Variants in MANBA observed in about 807,000 individuals in gnomAD.
The protein encoded by MANBA is beta-mannosidase.
In MANBA, 83 loss-of-function variants were observed where a neutral mutation model predicts 111.1. The ratio of observed to expected loss-of-function variants is 0.75; its 90% confidence interval spans 0.63 to 0.90. MANBA has a LOEUF of 0.90. MANBA is among the 40% of genes least tolerant of loss of function. The probability of loss-of-function intolerance (pLI) is 0.00; values close to 1 mark genes in which losing one functional copy is unlikely to be tolerated. For missense variants in MANBA, 1,036 were observed against 1,069.0 expected (o/e 0.97, Z 0.43); for synonymous variants, 370 against 378.7 (o/e 0.98, Z 0.27).
At chr4:102,751,624 T>C (rs1679187998) in intron 1 of MANBA, 1 of 541,094 alleles carries the variant, frequency 1.8e-6, no homozygotes, top group Non-Finnish European at 3.8e-6. Flanking sequence ...CTGGAGAACA[T>C]GTCATCAGAA....
At chr4:102,731,227 A>G (rs1408060572) in intron 1 of MANBA, among the ~76,000 whole-genome samples, 1 of 151,880 alleles carries the variant, frequency 6.6e-6, no homozygotes, top group Non-Finnish European at 1.5e-5. Flanking sequence ...AAAACCAAAC[A>G]CAAAACCACC....
chr4:102,712,518 G>A lies in MANBA; in HGVS notation c.673+1920C>T, dbSNP rs1430121152. ...TAAATAAATAACTTTTTGCTAAATC[G>A]GACCACTTTTTTTTTTTTTTAAACA... On this transcript the variant is annotated intron_variant, in intron 5 of 16. Transcript: ENST00000647097. Among the ~76,000 whole-genome samples, 5 of 142,060 alleles carry A rather than the reference G, an allele frequency of 3.5e-5. No homozygotes were observed. In the South Asian group the frequency reaches 6.5e-4, roughly 18 times the overall value. The allele number at this position is 142,060 out of a possible 152,430, so 93.2% of individuals were successfully genotyped here.
chr4:102,707,634 T>G (rs1733360552), intron 5 of MANBA, among the ~76,000 whole-genome samples: 1 of 152,078 alleles, frequency 6.6e-6, no homozygotes, highest in African/African-American at 2.4e-5. Flanking sequence ...ATTAATAAAA[T>G]GACAGGAATA....
intron 6 of MANBA, 30 bp downstream of exon 6, chr4:102,690,566 C>T: frequency 6.3e-7 from 1 of 1,595,452 alleles, no homozygotes; most frequent in Non-Finnish European, 8.6e-7. Flanking sequence ...GCTTTTCATC[C>T]AGTGCTTCTC....
chr4:102,650,491 C>T, intron 13 of MANBA, 46 bp downstream of exon 13: 13 of 1,546,150 alleles, frequency 8.4e-6, no homozygotes, highest in Non-Finnish European at 1.2e-5. Context: ...TAATCTCTTA[C>T]ATTAATTGCA....
At chr4:102,664,999 T>C in intron 10 of MANBA, 147 bp from the exon 11 acceptor site, 1 of 631,210 alleles carries the variant, frequency 1.6e-6, no homozygotes, top group Admixed American at 2.8e-5. Context: ...CTAGTCATGT[T>C]AGCTGCAGGA....
chr4:102,732,524 G>A (rs1723067554), intron 1 of MANBA, among the ~76,000 whole-genome samples: 1 of 152,236 alleles, frequency 6.6e-6, no homozygotes, highest in Admixed American at 6.5e-5. Context: ...CAACATCAGT[G>A]GGAGTGTATC....
chr4:102,651,475 C>A (rs765173374), intron 12 of MANBA, among the ~76,000 whole-genome samples: 2 of 152,080 alleles, frequency 1.3e-5, no homozygotes, highest in Non-Finnish European at 2.9e-5. Context: ...ATAATTCTGG[C>A]TTCTAGGCCT....
At chr4:102,722,029 C>CAAAA (rs562110956) in intron 4 of MANBA, among the ~76,000 whole-genome samples, 3 of 87,190 alleles carry the variant, frequency 3.4e-5, no homozygotes, top group Admixed American at 2.6e-4. Flanking sequence ...GACCCAGTCT[C>CAAAA]AAAAAAAAAA....
chr4:102,665,060 C>A (rs911863071), intron 10 of MANBA: 11 of 561,336 alleles, frequency 2.0e-5, no homozygotes, highest in Admixed American at 9.2e-5. Context: ...TTTATAAACA[C>A]TGATACATAG....
At chr4:102,744,458 CAG>C (rs1248036648) in intron 1 of MANBA, among the ~76,000 whole-genome samples, 1 of 152,160 alleles carries the variant, frequency 6.6e-6, no homozygotes, top group East Asian at 1.9e-4. Flanking sequence ...GACATAAAAC[CAG>C]AGAGTTGATA....
chr4:102,696,339 T>C (rs1732707156), intron 5 of MANBA, among the ~76,000 whole-genome samples: 2 of 152,100 alleles, frequency 1.3e-5, no homozygotes, highest in Non-Finnish European at 2.9e-5. Flanking sequence ...AAATACTGTC[T>C]TTGTAACCTA....
intron 3 of MANBA, among the ~76,000 whole-genome samples, 179 bp from the exon 4 acceptor site, chr4:102,723,220 T>C (rs1722657798): frequency 6.6e-6 from 1 of 152,242 alleles, no homozygotes; most frequent in African/African-American, 2.4e-5. Flanking sequence ...AGTTGCCCAC[T>C]TTTAGTTAAA....
chr4:102,654,691 A>G (rs1730486159), intron 12 of MANBA, among the ~76,000 whole-genome samples: 1 of 152,202 alleles, frequency 6.6e-6, no homozygotes, highest in South Asian at 2.1e-4. Flanking sequence ...ACCTTCCTTG[A>G]CCTTATAAAG....
At chr4:102,687,693 C>A (rs1732281905) in intron 7 of MANBA, among the ~76,000 whole-genome samples, 1 of 152,186 alleles carries the variant, frequency 6.6e-6, no homozygotes, top group African/African-American at 2.4e-5. Flanking sequence ...GCACTCTCTA[C>A]ATCTCTAGAG....
intron 1 of MANBA, among the ~76,000 whole-genome samples, chr4:102,746,460 C>T (rs1723589214): frequency 6.6e-6 from 1 of 152,214 alleles, no homozygotes; most frequent in African/African-American, 2.4e-5. Flanking sequence ...CTGAGCTCAT[C>T]ATTTTTCTTT....
intron 1 of MANBA, among the ~76,000 whole-genome samples, chr4:102,740,992 A>T (rs1456119611): frequency 6.6e-6 from 1 of 152,186 alleles, no homozygotes; most frequent in Non-Finnish European, 1.5e-5. Context: ...AAAAGAAATA[A>T]TCAGCAGAGT....
Position 102,688,995 on chromosome 4 carries a change from C to A in MANBA, c.960+579G>T, listed in dbSNP as rs1477256061. Reference sequence around the variant, plus strand: ...ACATGTATTATTTTGATATAAGGTACAATTTTAAATCATAGCAGGAGACTA... The same window carrying A: ...ACATGTATTATTTTGATATAAGGTAAAATTTTAAATCATAGCAGGAGACTA... On this transcript the variant is annotated intron_variant, in intron 7 of 16. Coordinates refer to ENST00000647097, the MANE Select transcript of MANBA (RefSeq NM_005908.4). 3.9e-5 allele frequency among the ~76,000 whole-genome samples: 6 copies of A among 152,234 alleles called. No homozygotes were observed. In the East Asian group the frequency reaches 1.2e-3, roughly 29 times the overall value.
chr4:102,734,475 A>G (rs1323239500), intron 1 of MANBA: 1 of 1,603,116 alleles, frequency 6.2e-7, no homozygotes, highest in East Asian at 2.2e-5. Flanking sequence ...TGTGCTGGCC[A>G]TCATCATACC....
Sources: gnomAD v4.1 joint callset for allele counts (sites outside exome capture counted in the v4.1 genomes callset) on GRCh38, gnomAD v4.1.1 for gene constraint, MANE v1.5 for transcripts, NCBI Gene and HGNC (gene_info 2026-07-23, HGNC 2026-07-21) for gene names.